Variants in CAP1 observed in about 807,000 individuals in gnomAD.
The protein encoded by CAP1 is adenylyl cyclase-associated protein 1.
A neutral mutation model predicts 58.2 loss-of-function variants in CAP1; 11 were observed. The observed-to-expected ratio is 0.19, with a 90% CI of 0.12 to 0.31. The LOEUF is 0.31. Among genes scored for constraint, CAP1 ranks in the 10% least tolerant of loss-of-function variants. CAP1 has a pLI of 1.00. For missense variants in CAP1, 423 were observed against 587.5 expected, an observed-to-expected ratio of 0.72 and a Z score of 2.89; for synonymous variants, 183 against 213.8, an observed-to-expected ratio of 0.86 and a Z score of 1.26.
rs1169359200 is a variant in CAP1, at chr1:40,062,773, T to TTGTGTGTGTG, written c.294+977_294+986dup. 9.8e-3 allele frequency among the ~76,000 whole-genome samples: 1,422 copies of TTGTGTGTGTG among 145,588 alleles called. 18 individuals are homozygous for TTGTGTGTGTG. Among genetic ancestry groups the TTGTGTGTGTG allele is most frequent in the African/African-American group, 0.026 (1,032 of 39,324 alleles). Reference sequence around the variant, plus strand: ...GAGCAAGACCTTCTCTCAAAAAACATTGTGTGTGTGTGTGTGTGTGTGTGT... The same window carrying TTGTGTGTGTG: ...GAGCAAGACCTTCTCTCAAAAAACATTGTGTGTGTGTGTGTGTGTGTGTGTGTGTGTGTGT... On this transcript the variant is annotated intron_variant, in intron 4 of 12. Coordinates refer to ENST00000372805, the MANE Select transcript of CAP1 (RefSeq NM_006367.4).
At chr1:40,041,888 A>C (rs1157390486) in intron 1 of CAP1, among the ~76,000 whole-genome samples, 1 of 152,194 alleles carries the variant, frequency 6.6e-6, no homozygotes, top group East Asian at 1.9e-4. Context: ...TTGAAGGATA[A>C]ATAGGAATGC....
chr1:40,056,809 A>G (rs1447984176), intron 1 of CAP1, among the ~76,000 whole-genome samples: 3 of 152,204 alleles, frequency 2.0e-5, no homozygotes, highest in Non-Finnish European at 2.9e-5. Flanking sequence ...CTTTCACACA[A>G]CTGAATCTCA....
chr1:40,071,435 C>T lies in CAP1; in HGVS notation c.1345-15C>T, dbSNP rs367770482. On this transcript the variant is annotated splice_polypyrimidine_tract_variant and intron_variant, in intron 12 of 12. Coordinates refer to ENST00000372805, the MANE Select transcript of CAP1 (RefSeq NM_006367.4). ...TAGCTCAGATTTAAACCTGCTGTCT[C>T]TTCTTTATTTGCAGAATGAATTCCC... 1 of 1,593,990 alleles carries T rather than the reference C, an allele frequency of 6.3e-7. No individual in the cohort carries two copies.
intron 4 of CAP1, among the ~76,000 whole-genome samples, chr1:40,062,744 G>A (rs946310370): frequency 2.1e-5 from 3 of 145,630 alleles, no homozygotes; most frequent in Admixed American, 7.1e-5. Flanking sequence ...CAGCCTGGGC[G>A]ACAGAGCAAG....
chr1:40,061,415 G>A (rs1646844743), intron 3 of CAP1, among the ~76,000 whole-genome samples: 2 of 152,126 alleles, frequency 1.3e-5, no homozygotes, highest in African/African-American at 2.4e-5. Flanking sequence ...GTTTTATTTT[G>A]CTGATGTGAA....
In CAP1 at chr1:40,049,178, A is replaced by ATTTTTTTTTTTTTTTTTT. The variant is rs72214452; in HGVS notation, c.-11+8386_-11+8403dup. On this transcript the variant is annotated intron_variant, in intron 1 of 12. Coordinates refer to ENST00000372805, the MANE Select transcript of CAP1 (RefSeq NM_006367.4). ...TGGCAGGAATCACTAGCCATTTCTA[A>ATTTTTTTTTTTTTTTTTT]TTTTTTTTTTTTTTTTTTTTTTTTT... 9.3e-4 allele frequency among the ~76,000 whole-genome samples: 79 copies of ATTTTTTTTTTTTTTTTTT among 84,886 alleles called. 6 individuals carry two copies. The highest frequency in any genetic ancestry group is 2.5e-3 in the South Asian group (5 of 1,972). The allele number at this position is 84,886 out of a possible 152,430, so 55.7% of individuals were successfully genotyped here. A position where few individuals can be genotyped will look rare whatever the true frequency, so the allele number is the denominator to read the frequency against.
At chr1:40,059,187 C>T in intron 1 of CAP1, 150 bp from the exon 2 acceptor site, 1 of 544,198 alleles carries the variant, frequency 1.8e-6, no homozygotes, top group Non-Finnish European at 3.3e-6. Flanking sequence ...TTCCATTTTG[C>T]AGATGATATC....
rs148401181 is a variant in CAP1 at position 40,067,748 on chromosome 1, TACA to T, written c.808+36_808+38del. ...TGAGCACTTGGACACGAACAGTAGG[TACA>T]ACAAGTTGTGTGGGCCAGACCCCAC... is the stretch of plus-strand genomic sequence containing the variant. On this transcript the variant is annotated intron_variant, in intron 8 of 12. Transcript: ENST00000372805. The T allele has an allele frequency of 3.4e-3, 5,275 of 1,540,422 alleles. 99 individuals carry two copies. In the East Asian group the frequency reaches 0.041, roughly 12 times the overall value.
intron 8 of CAP1, 104 bp from the exon 9 acceptor site, chr1:40,069,586 T>C (rs866623441): frequency 1.1e-5 from 10 of 947,136 alleles, no homozygotes; most frequent in African/African-American, 5.1e-5. Flanking sequence ...TCTCAAAGGC[T>C]CTGGTTTTGG....
At chr1:40,048,702 T>G (rs1402964561) in intron 1 of CAP1, among the ~76,000 whole-genome samples, 5 of 152,202 alleles carry the variant, frequency 3.3e-5, no homozygotes, top group Non-Finnish European at 5.9e-5. Context: ...TTCATTTAGC[T>G]ATTCCCCTAT....
At chr1:40,052,857 G>A (rs1471786987) in intron 1 of CAP1, among the ~76,000 whole-genome samples, 2 of 148,936 alleles carry the variant, frequency 1.3e-5, no homozygotes, top group Non-Finnish European at 3.0e-5. Flanking sequence ...TTGGGAGGCC[G>A]AGGCAGGTGG....
At chr1:40,060,501 A>G (rs1646802472) in intron 3 of CAP1, among the ~76,000 whole-genome samples, 1 of 152,212 alleles carries the variant, frequency 6.6e-6, no homozygotes, top group South Asian at 2.1e-4. Context: ...TGGCTTATTT[A>G]AAGGAGTCAT....
At chr1:40,046,429 C>T (rs533017558) in intron 1 of CAP1, among the ~76,000 whole-genome samples, 4 of 151,960 alleles carry the variant, frequency 2.6e-5, no homozygotes, top group East Asian at 1.9e-4. Context: ...GCATGATCTG[C>T]GCCAGCTTGG....
intron 1 of CAP1, among the ~76,000 whole-genome samples, chr1:40,055,907 G>A (rs546084970): frequency 6.6e-6 from 1 of 152,318 alleles, no homozygotes; most frequent in South Asian, 2.1e-4. Context: ...ATAAGATGTT[G>A]TGGGGGAGTT....
intron 1 of CAP1, chr1:40,041,637 T>C (rs1645835502): frequency 6.6e-6 from 1 of 152,204 alleles, no homozygotes; most frequent in Non-Finnish European, 1.5e-5. Context: ...CCCCACAAGA[T>C]TAAATTCAGC....
intron 1 of CAP1, chr1:40,041,543 C>T (rs1158349759): frequency 2.0e-5 from 3 of 152,234 alleles, no homozygotes; most frequent in Non-Finnish European, 4.4e-5. Context: ...GGTCTGGCCT[C>T]AGTGCTGAGT....
At position 40,061,795 on chromosome 1, in the gene CAP1, T is replaced by C. The variant is rs1646863741; in HGVS notation, c.277T>C (p.Cys93Arg). Reference protein sequence around the residue: ...ERALLVTASQCQQPAENKLSD... With the variant: ...ERALLVTASQRQQPAENKLSD... The stretch of plus-strand genomic sequence containing the variant: ...AGCTCTGTTGGTTACAGCTTCTCAG[T>C]GTCAACAGCCAGCAGAAGTAAGTTC... The change falls in exon 4 of 13, where the codon TGT (cysteine) becomes CGT (arginine). Residue 93 changes from cysteine to arginine, a missense_variant. Coordinates refer to ENST00000372805, the MANE Select transcript of CAP1 (RefSeq NM_006367.4). 2 of 1,613,904 alleles carry C rather than the reference T, an allele frequency of 1.2e-6. No homozygotes were observed. The highest frequency in any genetic ancestry group is 2.7e-5 in the African/African-American group (2 of 74,930).
rs1646985593 is a variant in CAP1 at position 40,064,367 on chromosome 1, T to C, written c.435T>C (p.Ala145=). The change falls in exon 5 of 13, where the codon GCT becomes GCC. Residue 145 remains alanine (A), a synonymous_variant. Transcript: ENST00000372805. ...GTATCCAGGCCCTGGGCTGGGTGGC[T>C]ATGGTGAGCAGCGCAGATTCCAGGG... The part of the protein sequence containing the change: ...SESIQALGWV[A]MAPKPGPYVK... 6.2e-7 allele frequency: 1 copy of C among 1,614,078 alleles called. No individual in the cohort carries two copies. The highest frequency in any genetic ancestry group is 8.5e-7 in the Non-Finnish European group (1 of 1,179,998).
intron 1 of CAP1, among the ~76,000 whole-genome samples, chr1:40,048,310 T>C (rs953804628): frequency 1.3e-5 from 2 of 151,930 alleles, no homozygotes; most frequent in Admixed American, 1.3e-4. Context: ...CCCAAAGCGC[T>C]GGGATTACAG....
Sources: allele counts gnomAD v4.1 joint callset (sites outside exome capture counted in the v4.1 genomes callset), GRCh38; gene constraint gnomAD v4.1.1; transcripts MANE v1.5; gene names NCBI Gene and HGNC (gene_info 2026-07-23, HGNC 2026-07-21).